The following INPP4B variants were observed in gnomAD, a reference collection of about 807,000 sequenced individuals.
INPP4B encodes inositol polyphosphate-4-phosphatase type II B.
INPP4B carries 55 observed loss-of-function variants against 122.5 expected under a neutral mutation model. That is an observed-to-expected ratio of 0.45 (90% CI 0.36 to 0.56). INPP4B has a LOEUF of 0.56. INPP4B is among the 20% of genes least tolerant of loss of function. The pLI is 0.00. For missense variants in INPP4B, 1,000 were observed against 1,097.7 expected (o/e 0.91, Z 1.26); for synonymous variants, 403 against 388.7 (o/e 1.04, Z -0.43).
intron 9 of INPP4B, among the ~76,000 whole-genome samples, chr4:142,298,439 C>A (rs1427314343): frequency 1.3e-5 from 2 of 150,238 alleles, no homozygotes; most frequent in Admixed American, 1.3e-4. Context: ...GTAACCCCAG[C>A]ACTTTGGGAG....
At chr4:142,055,863 T>C (rs886670981) in intron 25 of INPP4B, among the ~76,000 whole-genome samples, 8 of 151,876 alleles carry the variant, frequency 5.3e-5, no homozygotes, top group African/African-American at 7.3e-5. Context: ...TTACATTTAT[T>C]GTGTACTTTA....
At chr4:142,237,710 G>A (rs552412453) in intron 12 of INPP4B, among the ~76,000 whole-genome samples, 154 bp downstream of exon 12, 23 of 152,014 alleles carry the variant, frequency 1.5e-4, no homozygotes, top group African/African-American at 5.3e-4. Context: ...TGATAAGTAC[G>A]TGAGGTAAGG....
chr4:142,381,424 A>G (rs562393560), intron 7 of INPP4B, among the ~76,000 whole-genome samples: 1 of 152,166 alleles, frequency 6.6e-6, no homozygotes, highest in African/African-American at 2.4e-5. Flanking sequence ...CCTTTGCTCC[A>G]TTTTTGACCT....
At chr4:142,359,455 T>A (rs1784699400) in intron 7 of INPP4B, among the ~76,000 whole-genome samples, 1 of 151,996 alleles carries the variant, frequency 6.6e-6, no homozygotes, top group Non-Finnish European at 1.5e-5. Context: ...GTATTACTAT[T>A]ACCAATTTAC....
chr4:142,803,647 C>T (rs1332652304), intron 1 of INPP4B, among the ~76,000 whole-genome samples: 11 of 115,562 alleles, frequency 9.5e-5, no homozygotes, highest in Non-Finnish European at 1.9e-4. Context: ...TTCAATAAAA[C>T]TTAAAAAAAA....
At chr4:142,580,464 C>CT (rs1350283776) in intron 2 of INPP4B, among the ~76,000 whole-genome samples, 2 of 151,792 alleles carry the variant, frequency 1.3e-5, no homozygotes, top group African/African-American at 4.8e-5. Flanking sequence ...TTAAATTTTT[C>CT]TTAGGAATCT....
At chr4:142,212,590 A>C (rs1224546885) in intron 12 of INPP4B, among the ~76,000 whole-genome samples, 1 of 152,052 alleles carries the variant, frequency 6.6e-6, no homozygotes, top group Non-Finnish European at 1.5e-5. Context: ...TGGATATCTC[A>C]CACCATCTTT....
chr4:142,713,191 T>C (rs1580756324), intron 2 of INPP4B, among the ~76,000 whole-genome samples: 1 of 152,104 alleles, frequency 6.6e-6, no homozygotes, highest in Admixed American at 6.5e-5. Context: ...GTTAACAGGG[T>C]AGATGATGGT....
At chr4:142,122,323 A>C (rs942222101) in intron 20 of INPP4B, 78 bp from the exon 21 acceptor site, 1 of 1,023,610 alleles carries the variant, frequency 9.8e-7, no homozygotes, top group Admixed American at 1.9e-5. Context: ...TCCCTGCTGG[A>C]ATTTGTTCTA....
intron 2 of INPP4B, among the ~76,000 whole-genome samples, chr4:142,682,264 TC>T (rs1200887483): frequency 6.6e-6 from 1 of 151,744 alleles, no homozygotes; most frequent in Non-Finnish European, 1.5e-5. Context: ...TCTTAATCTC[TC>T]CCTCTCTCTC....
chr4:142,267,600 C>T (rs889559371), intron 10 of INPP4B, among the ~76,000 whole-genome samples: 1 of 152,058 alleles, frequency 6.6e-6, no homozygotes. Flanking sequence ...AAAATAAGCC[C>T]TAAAACTATA....
chr4:142,239,825 A>G (rs1176404443), intron 11 of INPP4B, among the ~76,000 whole-genome samples: 1 of 151,978 alleles, frequency 6.6e-6, no homozygotes, highest in African/African-American at 2.4e-5. Context: ...AACATATATA[A>G]ATATTTAGTT....
intron 2 of INPP4B, among the ~76,000 whole-genome samples, chr4:142,584,055 G>C (rs770554702): frequency 6.6e-6 from 1 of 151,884 alleles, no homozygotes; most frequent in Non-Finnish European, 1.5e-5. Flanking sequence ...TCTGTCCTTG[G>C]CCCTTCTTAT....
At chr4:142,503,405 T>C (rs1334786522) in intron 2 of INPP4B, among the ~76,000 whole-genome samples, 2 of 152,104 alleles carry the variant, frequency 1.3e-5, no homozygotes, top group East Asian at 3.8e-4. Flanking sequence ...GAGAAAAATA[T>C]AATAATTACA....
chr4:142,744,178 T>C (rs1296187315), intron 1 of INPP4B, among the ~76,000 whole-genome samples: 1 of 151,916 alleles, frequency 6.6e-6, no homozygotes, highest in African/African-American at 2.4e-5. Context: ...ATAAATGAAA[T>C]GTAAAATTCA....
chr4:142,757,489 A>C (rs1561035795), intron 1 of INPP4B, among the ~76,000 whole-genome samples: 1 of 152,120 alleles, frequency 6.6e-6, no homozygotes, highest in Admixed American at 6.6e-5. Flanking sequence ...AACTGTCTCC[A>C]TAGTTTTGCC....
intron 1 of INPP4B, among the ~76,000 whole-genome samples, chr4:142,776,910 A>C (rs1222547451): frequency 6.6e-6 from 1 of 152,158 alleles, no homozygotes; most frequent in Non-Finnish European, 1.5e-5. Context: ...TTTGAAAATG[A>C]TCATGAGTAG....
At chr4:142,225,467 T>C (rs1331591391) in intron 12 of INPP4B, among the ~76,000 whole-genome samples, 1 of 151,194 alleles carries the variant, frequency 6.6e-6, no homozygotes, top group Non-Finnish European at 1.5e-5. Context: ...CTTTCATATA[T>C]ACATATTCCT....
At chr4:142,114,974 A>C (rs574194721) in intron 21 of INPP4B, among the ~76,000 whole-genome samples, 5 of 152,216 alleles carry the variant, frequency 3.3e-5, no homozygotes, top group African/African-American at 7.2e-5. Context: ...AAATGACCTG[A>C]TGGAGCTGAA....
Sources: allele counts gnomAD v4.1 joint callset (sites outside exome capture counted in the v4.1 genomes callset), GRCh38; gene constraint gnomAD v4.1.1; transcripts MANE v1.5; gene names NCBI Gene and HGNC (gene_info 2026-07-23, HGNC 2026-07-21).